OR2V2: variants seen among roughly 807,000 people sequenced by gnomAD.
The protein encoded by OR2V2 is olfactory receptor family 2 subfamily V member 2.
For synonymous variants in OR2V2, 161 were observed against 151.3 expected (o/e 1.06, Z -0.47); for missense variants, 392 against 392.2 (o/e 1.00, Z 0.00).
At chr5:181,150,641 T>C (rs1386009413) in intron 1 of OR2V2, among the ~76,000 whole-genome samples, 1 of 152,170 alleles carries the variant, frequency 6.6e-6, no homozygotes, top group Non-Finnish European at 1.5e-5. Flanking sequence ...CAGGAGCTGC[T>C]GTTCTCAGGA....
chr5:181,151,050 G>A (rs546747416), intron 1 of OR2V2, among the ~76,000 whole-genome samples: 1 of 152,176 alleles, frequency 6.6e-6, no homozygotes, highest in Non-Finnish European at 1.5e-5. Flanking sequence ...AAAGCAAGCA[G>A]GGAAGGAGGG....
In OR2V2 at chr5:181,155,476, C is replaced by T. The variant is rs777738257; in HGVS notation, c.534C>T (p.Phe178=). 5.0e-6 allele frequency: 8 copies of T among 1,614,194 alleles called. No individual in the cohort carries two copies. In the Admixed American group the frequency reaches 1.3e-4, roughly 27 times the overall value. Reference sequence around the variant, plus strand: ...GTGGCTTGAGGAAGGTGAACCATTTCTTCTGTGAGATGCTATCCTTGTTGA... The same window carrying T: ...GTGGCTTGAGGAAGGTGAACCATTTTTTCTGTGAGATGCTATCCTTGTTGA... ...PYCGLRKVNH[F]FCEMLSLLKL... Residue 178 remains phenylalanine, a synonymous_variant, in exon 2 of 2, where the codon TTC becomes TTT. Transcript: ENST00000641492.
Position 181,154,949 on chromosome 5 carries a change from A to T in OR2V2, c.7A>T (p.Thr3Ser). The change falls in exon 2 of 2, where the codon ACG (threonine) becomes TCG (serine). Residue 3 changes from threonine to serine, a missense_variant. By Grantham distance (58) the Thr-to-Ser change is moderately conservative. Transcript: ENST00000641492. ME[T>S]WVNQSYTDGF... ...CAGGAGCAACAACCGAGCCATGGAG[A>T]CGTGGGTGAACCAGTCCTACACAGA... 1 of 1,612,080 alleles carries T rather than the reference A, an allele frequency of 6.2e-7. No individual in the cohort carries two copies. Among genetic ancestry groups the T allele is most frequent in the Non-Finnish European group, 8.5e-7 (1 of 1,178,164 alleles).
chr5:181,156,043 T>A lies in OR2V2; in HGVS notation c.*153T>A, dbSNP rs34945347. 46,553 of 450,132 alleles carry A rather than the reference T, an allele frequency of 0.1. 3,606 individuals carry two copies. The highest frequency in any genetic ancestry group is 0.34 in the African/African-American group (15,321 of 44,900). 27.9% of individuals were successfully genotyped at this position (450,132 alleles called of 1,614,324 possible). The stretch of plus-strand genomic sequence containing the variant: ...GTCTTTTTAAACACTACATCAGTTC[T>A]TTCTTTCTTTCTTTCTTTCTTTCTT... On this transcript the variant is annotated 3_prime_UTR_variant, in exon 2 of 2. Transcript: ENST00000641492.
chr5:181,154,785 G>A, intron 1 of OR2V2, 134 bp from the exon 2 acceptor site: 1 of 631,468 alleles, frequency 1.6e-6, no homozygotes, highest in Admixed American at 2.7e-5. Flanking sequence ...GATATGGAGT[G>A]TCCCCTATTA....
rs56005800 is a variant in OR2V2, at chr5:181,158,532, C to T, written c.*2642C>T. On this transcript the variant is annotated 3_prime_UTR_variant, in exon 2 of 2. Transcript: ENST00000641492. ...GGCTGAGTTCCTTGGGAGGCTGAGG[C>T]GGAAGGATTGCTTGAGCTTAGGAGG... The T allele has an allele frequency of 0.12, 18,983 of 151,994 alleles. 2,005 individuals carry two copies. The highest frequency in any genetic ancestry group is 0.29 in the African/African-American group (11,884 of 41,378). 9.4% of individuals were successfully genotyped at this position (151,994 alleles called of 1,614,324 possible).
Position 181,156,380 on chromosome 5 carries a change from T to C in OR2V2, c.*490T>C, listed in dbSNP as rs1763267995. ...CAATCCACCTTCCAGAGTGCTGAGA[T>C]TACAGGCGTGAGCCACCACGCACAG... On this transcript the variant is annotated 3_prime_UTR_variant, in exon 2 of 2. Transcript: ENST00000641492. 6.4e-6 allele frequency: 1 copy of C among 155,346 alleles called. No homozygotes were observed. 9.6% of individuals were successfully genotyped at this position (155,346 alleles called of 1,614,324 possible).
rs142582413 is a variant in OR2V2 at position 181,155,219 on chromosome 5, A to G, written c.277A>G (p.Ile93Val). The G allele has an allele frequency of 6.2e-6, 10 of 1,614,046 alleles. No homozygotes were observed. Among genetic ancestry groups the G allele is most frequent in the Non-Finnish European group, 8.5e-6 (10 of 1,180,022 alleles). Reference sequence around the variant, plus strand: ...CAACTTCCTGTCTGGCAGGAAGTCCATCTCCTTTGTGGGCTGTGGCATACA... The same window carrying G: ...CAACTTCCTGTCTGGCAGGAAGTCCGTCTCCTTTGTGGGCTGTGGCATACA... ...AANFLSGRKS[I>V]SFVGCGIQIG... Residue 93 changes from isoleucine (I) to valine (V), a missense_variant, in exon 2 of 2, where the codon ATC becomes GTC. Ile to Val is a conservative substitution (Grantham distance 29). Coordinates refer to ENST00000641492, the MANE Select transcript of OR2V2 (RefSeq NM_206880.2).
chr5:181,155,114 A>AC lies in OR2V2; in HGVS notation c.177dup (p.Met60HisfsTer53). The AC allele has an allele frequency of 1.2e-6, 2 of 1,613,076 alleles. No individual in the cohort carries two copies. The highest frequency in any genetic ancestry group is 1.7e-6 in the Non-Finnish European group (2 of 1,179,756). ...CATCTACATGGACCCTCACCTTCAC[A>AC]CCCCCATGTACTTCTTCCTCAGCCA... On this transcript the variant is annotated frameshift_variant, in exon 2 of 2. Transcript: ENST00000641492. LOFTEE classifies it low-confidence loss of function (END_TRUNC).
rs1011932799 is a variant in OR2V2, at chr5:181,158,867, G to A, written c.*2977G>A. ...TCAAGTTGTCTGTTCATTTTATTGG[G>A]TGATTTTGGGGCATAGATGTGACAA... On this transcript the variant is annotated 3_prime_UTR_variant, in exon 2 of 2. Transcript: ENST00000641492. 6.6e-6 allele frequency: 1 copy of A among 152,044 alleles called. No homozygotes were observed. The highest frequency in any genetic ancestry group is 2.4e-5 in the African/African-American group (1 of 41,384). 9.4% of individuals were successfully genotyped at this position (152,044 alleles called of 1,614,324 possible).
At position 181,155,410 on chromosome 5, in the gene OR2V2, T is replaced by C. The variant is rs775061312; in HGVS notation, c.468T>C (p.Asp156=). 7.4e-6 allele frequency: 12 copies of C among 1,614,120 alleles called. No homozygotes were observed. The South Asian group carries it at 7.7e-5, about 10-fold the overall frequency. ...GCTCCTGGGCCTTTGGGATAATCGA[T>C]GGCTTGATCCAGATGGTGGTAGTAA... is the stretch of plus-strand genomic sequence containing the variant. ...TGSSWAFGII[D]GLIQMVVVMN... is the part of the protein sequence containing the mutation. The change falls in exon 2 of 2, where the codon GAT becomes GAC. Residue 156 remains aspartate (D), a synonymous_variant. Coordinates refer to ENST00000641492, the MANE Select transcript of OR2V2 (RefSeq NM_206880.2).
chr5:181,147,902 C>G lies in OR2V2; in HGVS notation c.-118C>G. 2.5e-6 allele frequency: 1 copy of G among 397,564 alleles called. No individual in the cohort carries two copies. The highest frequency in any genetic ancestry group is 3.6e-5 in the East Asian group (1 of 28,050). The allele number at this position is 397,564 out of a possible 1,614,324, so 24.6% of individuals were successfully genotyped here. ...CTCCTGTCCCCTGACCCAGTGGGAG[C>G]AAAAACAGGAGGATGAGTGCATGGC... On this transcript the variant is annotated 5_prime_UTR_variant, in exon 1 of 2. Coordinates refer to ENST00000641492, the MANE Select transcript of OR2V2 (RefSeq NM_206880.2).
chr5:181,149,041 G>C (rs1376277408), intron 1 of OR2V2, among the ~76,000 whole-genome samples: 1 of 152,240 alleles, frequency 6.6e-6, no homozygotes, highest in Non-Finnish European at 1.5e-5. Flanking sequence ...ATGAGGTCTT[G>C]CATTTCCTCT....
At position 181,147,996 on chromosome 5, in the gene OR2V2, G is replaced by C; in HGVS notation, c.-25+1G>C. ...TTCCCCTGCAGGGACCCACCCACAG[G>C]TGAGTGAGGGTCTTGTCCTGTCGTC... On this transcript the variant is annotated splice_donor_variant, in intron 1 of 1. Transcript: ENST00000641492. LOFTEE classifies it low-confidence loss of function (5UTR_SPLICE). The C allele has an allele frequency of 2.5e-6, 1 of 398,562 alleles. No homozygotes were observed. Among genetic ancestry groups the C allele is most frequent in the East Asian group, 3.6e-5 (1 of 28,080 alleles). 24.7% of individuals were successfully genotyped at this position (398,562 alleles called of 1,614,324 possible).
At position 181,157,416 on chromosome 5, in the gene OR2V2, C is replaced by T. The variant is rs917281005; in HGVS notation, c.*1526C>T. On this transcript the variant is annotated 3_prime_UTR_variant, in exon 2 of 2. Transcript: ENST00000641492. The stretch of plus-strand genomic sequence containing the variant: ...TAGGGCTCAAATCGGTAAGTCCCTG[C>T]CTCATCGTCCAGTTTTCTTCTTCAC... 6.6e-6 allele frequency: 1 copy of T among 152,270 alleles called. No homozygotes were observed. Among genetic ancestry groups the T allele is most frequent in the Admixed American group, 6.5e-5 (1 of 15,292 alleles). 9.4% of individuals were successfully genotyped at this position (152,270 alleles called of 1,614,324 possible).
Position 181,155,751 on chromosome 5 carries a change from G to A in OR2V2, c.809G>A (p.Ser270Asn). The A allele has an allele frequency of 6.2e-7, 1 of 1,614,174 alleles. No homozygotes were observed. The highest frequency in any genetic ancestry group is 8.5e-7 in the Non-Finnish European group (1 of 1,180,040). ...YLRPRHYRAP[S>N]HDKVASIFYT... ...AGGCCTAGGCACTACCGGGCCCCCA[G>A]CCATGACAAGGTGGCCTCTATCTTC... Residue 270 changes from serine (S) to asparagine (N), a missense_variant, in exon 2 of 2, where the codon AGC (serine) becomes AAC (asparagine). Coordinates refer to ENST00000641492, the MANE Select transcript of OR2V2 (RefSeq NM_206880.2).
Position 181,155,404 on chromosome 5 carries a change from A to G in OR2V2, c.462A>G (p.Ile154Met), listed in dbSNP as rs770800753. 2.1e-5 allele frequency: 34 copies of G among 1,614,120 alleles called. No homozygotes were observed. The highest frequency in any genetic ancestry group is 2.8e-5 in the Non-Finnish European group (33 of 1,180,054). Residue 154 changes from isoleucine to methionine, a missense_variant, in exon 2 of 2, where the codon ATA becomes ATG. Coordinates refer to ENST00000641492, the MANE Select transcript of OR2V2 (RefSeq NM_206880.2). The part of the protein sequence containing the change: ...QITGSSWAFG[I>M]IDGLIQMVVV... The stretch of plus-strand genomic sequence containing the variant: ...CTGGGAGCTCCTGGGCCTTTGGGAT[A>G]ATCGATGGCTTGATCCAGATGGTGG...
At position 181,156,001 on chromosome 5, in the gene OR2V2, A is replaced by C; in HGVS notation, c.*111A>C. ...CCTCGTGAATTATGATGATTGTGAC[A>C]CCCTCAGACTTGGAAGGTCTTTTTA... On this transcript the variant is annotated 3_prime_UTR_variant, in exon 2 of 2. Coordinates refer to ENST00000641492, the MANE Select transcript of OR2V2 (RefSeq NM_206880.2). 1.1e-6 allele frequency: 1 copy of C among 941,700 alleles called. No homozygotes were observed. Among genetic ancestry groups the C allele is most frequent in the Non-Finnish European group, 1.6e-6 (1 of 642,190 alleles). 58.3% of individuals were successfully genotyped at this position (941,700 alleles called of 1,614,324 possible). A position where few individuals can be genotyped will look rare whatever the true frequency, so the allele number is the denominator to read the frequency against.
chr5:181,157,832 G>T lies in OR2V2; in HGVS notation c.*1942G>T, dbSNP rs1186406489. 2 of 152,096 alleles carry T rather than the reference G, an allele frequency of 1.3e-5. No homozygotes were observed. Among genetic ancestry groups the T allele is most frequent in the Non-Finnish European group, 2.9e-5 (2 of 68,022 alleles). The allele number at this position is 152,096 out of a possible 1,614,324, so 9.4% of individuals were successfully genotyped here. Reference sequence around the variant, plus strand: ...CCCACTCAGATTTCTCTGGGATTTTGCACCCTTCAACCCGTAAGTACCTTG... The same window carrying T: ...CCCACTCAGATTTCTCTGGGATTTTTCACCCTTCAACCCGTAAGTACCTTG... On this transcript the variant is annotated 3_prime_UTR_variant, in exon 2 of 2. Transcript: ENST00000641492.
Sources: gnomAD v4.1 joint callset for allele counts (sites outside exome capture counted in the v4.1 genomes callset) on GRCh38, gnomAD v4.1.1 for gene constraint, MANE v1.5 for transcripts, NCBI Gene and HGNC (gene_info 2026-07-23, HGNC 2026-07-21) for gene names.